The following GPD2 variants were observed in gnomAD, a reference collection of about 807,000 sequenced individuals.
GPD2 encodes glycerol-3-phosphate dehydrogenase, mitochondrial.
In GPD2, 54 loss-of-function variants were observed where a neutral mutation model predicts 82.4. The observed-to-expected ratio is 0.66, with a 90% CI of 0.53 to 0.82. GPD2 has a LOEUF of 0.82. GPD2 is among the 40% of genes least tolerant of loss of function. The probability of loss-of-function intolerance (pLI) is 0.00; values close to 1 mark genes in which losing one functional copy is unlikely to be tolerated. For synonymous variants in GPD2, 288 were observed against 306.1 expected (o/e 0.94, Z 0.62); for missense variants, 748 against 896.2 (o/e 0.83, Z 2.11).
the GPD2 span, among the ~76,000 whole-genome samples, chr2:156,405,591 T>C: frequency 6.6e-6 from 1 of 152,204 alleles, no homozygotes; most frequent in Non-Finnish European, 1.5e-5. Flanking sequence ...TGTCACAGTG[T>C]TTCATAGATA....
chr2:156,475,278 G>A (rs146391862), intron 1 of GPD2, among the ~76,000 whole-genome samples: 30 of 152,240 alleles, frequency 2.0e-4, no homozygotes, highest in Admixed American at 7.9e-4. Context: ...GGTTAAATTG[G>A]TCAGTTTGTG....
intron 6 of GPD2, among the ~76,000 whole-genome samples, chr2:156,528,862 A>C (rs1208251301): frequency 6.6e-6 from 1 of 152,090 alleles, no homozygotes; most frequent in African/African-American, 2.4e-5. Context: ...GGTTGGTTCC[A>C]AGTCTTTGCT....
At chr2:156,403,743 G>A in the GPD2 span, among the ~76,000 whole-genome samples, 1 of 152,022 alleles carries the variant, frequency 6.6e-6, no homozygotes, top group African/African-American at 2.4e-5. Flanking sequence ...AGGTTAACTT[G>A]CCTCTTTTTC....
chr2:156,404,854 CA>C, the GPD2 span, among the ~76,000 whole-genome samples: 30,463 of 119,952 alleles, frequency 0.25, 3,081 homozygotes, highest in Non-Finnish European at 0.28. Flanking sequence ...ACTCCGTCTC[CA>C]AAAAAAAAAA....
At chr2:156,553,508 TAATG>T (rs1169696793) in intron 8 of GPD2, among the ~76,000 whole-genome samples, 1 of 152,180 alleles carries the variant, frequency 6.6e-6, no homozygotes, top group Admixed American at 6.5e-5. Flanking sequence ...AATAAATAAA[TAATG>T]TAAGTACATA....
the GPD2 span, among the ~76,000 whole-genome samples, chr2:156,406,088 C>CGATTTA: frequency 2.0e-5 from 3 of 149,230 alleles, no homozygotes; most frequent in African/African-American, 7.4e-5. Context: ...TGATTTAATA[C>CGATTTA]ACACAGCTTA....
chr2:156,428,001 A>C, the GPD2 span, among the ~76,000 whole-genome samples: 1 of 152,172 alleles, frequency 6.6e-6, no homozygotes. Flanking sequence ...TTTAAGGATA[A>C]GTATGATTGC....
intron 6 of GPD2, among the ~76,000 whole-genome samples, chr2:156,545,535 T>C (rs528933138): frequency 5.3e-4 from 81 of 152,214 alleles, no homozygotes; most frequent in Non-Finnish European, 1.0e-3. Flanking sequence ...TATGGACAGA[T>C]GCTATTCTAA....
intron 2 of GPD2, among the ~76,000 whole-genome samples, chr2:156,481,039 C>T (rs1020412135): frequency 9.2e-5 from 14 of 151,974 alleles, no homozygotes; most frequent in Admixed American, 2.6e-4. Flanking sequence ...TCATAAGCAA[C>T]GGAACAAAAA....
At chr2:156,451,604 GC>G (rs1682588050) in intron 1 of GPD2, among the ~76,000 whole-genome samples, 1 of 141,438 alleles carries the variant, frequency 7.1e-6, no homozygotes, top group Admixed American at 7.0e-5. Context: ...AGGGCGGCTG[GC>G]CCGGCAGAGG....
intron 1 of GPD2, among the ~76,000 whole-genome samples, chr2:156,443,888 T>C (rs1347077990): frequency 6.6e-6 from 1 of 152,164 alleles, no homozygotes; most frequent in Non-Finnish European, 1.5e-5. Context: ...TTACAAAAAT[T>C]ACCTTGTCCC....
At chr2:156,430,256 T>A in the GPD2 span, among the ~76,000 whole-genome samples, 3 of 152,156 alleles carry the variant, frequency 2.0e-5, no homozygotes, top group Non-Finnish European at 4.4e-5. Flanking sequence ...CAATCCCAGT[T>A]TGGCCATCTG....
At chr2:156,572,364 C>T (rs1687671640) in intron 13 of GPD2, among the ~76,000 whole-genome samples, 1 of 151,774 alleles carries the variant, frequency 6.6e-6, no homozygotes. Context: ...TTTTAACAAA[C>T]ACTTGTGTTG....
At chr2:156,518,333 A>G (rs1685272855) in intron 6 of GPD2, among the ~76,000 whole-genome samples, 1 of 152,198 alleles carries the variant, frequency 6.6e-6, no homozygotes. Flanking sequence ...GGATATAATG[A>G]TCCAAAATGA....
chr2:156,564,729 A>G, intron 9 of GPD2, among the ~76,000 whole-genome samples: 1 of 152,140 alleles, frequency 6.6e-6, no homozygotes. Context: ...CCTGTAGGCC[A>G]TAAAGACTAA....
intron 6 of GPD2, among the ~76,000 whole-genome samples, chr2:156,545,881 T>C (rs1686512731): frequency 6.6e-6 from 1 of 152,250 alleles, no homozygotes; most frequent in Non-Finnish European, 1.5e-5. Flanking sequence ...TTGAGGCCTA[T>C]CTTTTAGACA....
At chr2:156,449,527 G>A (rs1682478856) in intron 1 of GPD2, among the ~76,000 whole-genome samples, 1 of 152,138 alleles carries the variant, frequency 6.6e-6, no homozygotes, top group East Asian at 1.9e-4. Context: ...ACAGACAATT[G>A]TAATATGCAA....
chr2:156,466,858 C>T (rs776510369), intron 1 of GPD2, among the ~76,000 whole-genome samples: 12 of 152,112 alleles, frequency 7.9e-5, no homozygotes, highest in Non-Finnish European at 1.6e-4. Flanking sequence ...TTGAACTCTG[C>T]CCCTGAAACT....
At chr2:156,479,016 G>C (rs1683625068) in intron 2 of GPD2, among the ~76,000 whole-genome samples, 1 of 152,116 alleles carries the variant, frequency 6.6e-6, no homozygotes, top group South Asian at 2.1e-4. Context: ...GTACTCCCAG[G>C]ACAAAGCTTC....
Sources: gnomAD v4.1 joint callset for allele counts (sites outside exome capture counted in the v4.1 genomes callset) on GRCh38, gnomAD v4.1.1 for gene constraint, MANE v1.5 for transcripts, NCBI Gene and HGNC (gene_info 2026-07-23, HGNC 2026-07-21) for gene names.